The following SH3PXD2A variants were observed in gnomAD, a reference collection of about 807,000 sequenced individuals.
SH3PXD2A encodes SH3 and PX domains 2A, also known as SH3 and PX domain-containing protein 2A.
In SH3PXD2A, 32 loss-of-function variants were observed where a neutral mutation model predicts 115.2. The observed-to-expected ratio is 0.28, with a 90% CI of 0.21 to 0.37. SH3PXD2A has a LOEUF of 0.37. SH3PXD2A is among the 10% of genes least tolerant of loss of function. The pLI is 1.00. For synonymous variants in SH3PXD2A, 610 were observed against 629.1 expected, an observed-to-expected ratio of 0.97 and a Z score of 0.45; for missense variants, 1,328 against 1,498.7, an observed-to-expected ratio of 0.89 and a Z score of 1.88.
chr10:103,782,713 A>G (rs1361980177), intron 2 of SH3PXD2A, among the ~76,000 whole-genome samples: 2 of 150,340 alleles, frequency 1.3e-5, no homozygotes, highest in East Asian at 2.0e-4. Context: ...TAAGAAGACA[A>G]TGGGCTGGGC....
chr10:103,596,296 C>G lies in SH3PXD2A; in HGVS notation c.*5520G>C, dbSNP rs1230623405. 6.6e-6 allele frequency: 1 copy of G among 152,582 alleles called. No homozygotes were observed. The highest frequency in any genetic ancestry group is 1.5e-5 in the Non-Finnish European group (1 of 68,036). The allele number at this position is 152,582 out of a possible 1,614,324, so 9.5% of individuals were successfully genotyped here. ...AGGGGATGACCTAACTGAACCAACTCAGTGTTTCTATTCCCAGTGGCATCT... is the reference window on the plus strand; with the variant it reads ...AGGGGATGACCTAACTGAACCAACTGAGTGTTTCTATTCCCAGTGGCATCT... On this transcript the variant is annotated 3_prime_UTR_variant, in exon 15 of 15. Transcript: ENST00000369774.
In SH3PXD2A at chr10:103,855,476, A is replaced by G. The variant is rs11191830; in HGVS notation, c.-210T>C. The G allele has an allele frequency of 1, 164,708 of 165,406 alleles. 82,017 individuals are homozygous for G. Among genetic ancestry groups the G allele is most frequent in the East Asian group, 1 (5,810 of 5,810 alleles). The allele number at this position is 165,406 out of a possible 1,614,324, so 10.2% of individuals were successfully genotyped here. A position where few individuals can be genotyped will look rare whatever the true frequency, so the allele number is the denominator to read the frequency against. On this transcript the variant is annotated 5_prime_UTR_variant, in exon 1 of 15. Transcript: ENST00000369774. ...GCGCGGGCTCCGTGCGCCCCGGGGG[A>G]CTCCCCGCCGGCCTGCCGCGCGCCC...
chr10:103,667,766 T>C (rs1232650349), intron 7 of SH3PXD2A, among the ~76,000 whole-genome samples: 1 of 151,726 alleles, frequency 6.6e-6, no homozygotes, highest in African/African-American at 2.4e-5. Context: ...GGCTAGAGGG[T>C]CAGGGTGTGT....
At chr10:103,654,955 T>C (rs1001630916) in intron 8 of SH3PXD2A, among the ~76,000 whole-genome samples, 1 of 115,230 alleles carries the variant, frequency 8.7e-6, no homozygotes, top group African/African-American at 3.5e-5. Flanking sequence ...TGAATAAAGC[T>C]GAGTGGAAGG....
intron 2 of SH3PXD2A, among the ~76,000 whole-genome samples, chr10:103,787,432 A>G (rs2038990927): frequency 6.6e-6 from 1 of 152,242 alleles, no homozygotes; most frequent in African/African-American, 2.4e-5. Flanking sequence ...GCACTTTGCC[A>G]GACTGCCTGG....
intron 8 of SH3PXD2A, among the ~76,000 whole-genome samples, chr10:103,646,115 G>T (rs964421107): frequency 6.6e-6 from 1 of 152,052 alleles, no homozygotes; most frequent in African/African-American, 2.4e-5. Context: ...CAGTTTCATC[G>T]GTTTCTGATA....
intron 1 of SH3PXD2A, among the ~76,000 whole-genome samples, chr10:103,848,188 C>T (rs2134326967): frequency 7.9e-6 from 1 of 126,514 alleles, no homozygotes; most frequent in South Asian, 2.9e-4. Context: ...GCAGCTGACA[C>T]CTCACTTCCT....
intron 8 of SH3PXD2A, among the ~76,000 whole-genome samples, chr10:103,644,902 A>T (rs1195264602): frequency 6.6e-6 from 1 of 152,224 alleles, no homozygotes; most frequent in Admixed American, 6.5e-5. Flanking sequence ...GTGGCAGAGT[A>T]GGATTCGAAG....
At chr10:103,624,664 G>T (rs1328417560) in intron 9 of SH3PXD2A, among the ~76,000 whole-genome samples, 1 of 152,240 alleles carries the variant, frequency 6.6e-6, no homozygotes, top group Non-Finnish European at 1.5e-5. Context: ...TATTAGGAAA[G>T]CTTTGATAGG....
At chr10:103,788,858 G>T (rs2039005145) in intron 2 of SH3PXD2A, among the ~76,000 whole-genome samples, 1 of 151,852 alleles carries the variant, frequency 6.6e-6, no homozygotes, top group East Asian at 1.9e-4. Flanking sequence ...CTCCAGCCTG[G>T]GCATCAGAGC....
At chr10:103,626,455 C>T (rs1032190367) in intron 9 of SH3PXD2A, among the ~76,000 whole-genome samples, 1 of 152,110 alleles carries the variant, frequency 6.6e-6, no homozygotes, top group Non-Finnish European at 1.5e-5. Flanking sequence ...GTGGCGCAAA[C>T]GGACTGGGCT....
In SH3PXD2A at chr10:103,841,184, C is replaced by T. The variant is rs549035306; in HGVS notation, c.72+14011G>A. Among the ~76,000 whole-genome samples, 328 of 152,252 alleles carry T rather than the reference C, an allele frequency of 2.2e-3. 3 individuals carry two copies. The highest frequency in any genetic ancestry group is 3.4e-3 in the Middle Eastern group (1 of 294). On this transcript the variant is annotated intron_variant, in intron 1 of 14. Transcript: ENST00000369774. ...ATGAAGCCTTTGTCCAGGGATTTAT[C>T]ACACTGATCCAGGACGCACCATGAT...
chr10:103,836,682 T>TACACACACAC (rs55855121), intron 1 of SH3PXD2A, among the ~76,000 whole-genome samples: 34,176 of 148,574 alleles, frequency 0.23, 4,567 homozygotes, highest in East Asian at 0.56. Context: ...CACAGACATG[T>TACACACACAC]ACACACACAC....
At position 103,679,046 on chromosome 10, in the gene SH3PXD2A, C is replaced by T. The variant is rs183919525; in HGVS notation, c.428-10394G>A. ...GTGGCTCCTACCACTGAACAGATGT[C>T]CTCTGCACAGGTACTGTCCTCTTCA... On this transcript the variant is annotated intron_variant, in intron 6 of 14. Transcript: ENST00000369774. 2.4e-3 allele frequency among the ~76,000 whole-genome samples: 373 copies of T among 152,312 alleles called. 3 individuals are homozygous for T. The highest frequency in any genetic ancestry group is 4.1e-3 in the Non-Finnish European group (278 of 68,022).
chr10:103,797,790 GGA>G (rs1294860140), intron 2 of SH3PXD2A, among the ~76,000 whole-genome samples: 2 of 152,132 alleles, frequency 1.3e-5, no homozygotes, highest in African/African-American at 4.8e-5. Flanking sequence ...GGAGAGAAAT[GGA>G]AAAACCAAAG....
intron 5 of SH3PXD2A, among the ~76,000 whole-genome samples, chr10:103,723,055 A>G (rs1002991365): frequency 1.3e-5 from 2 of 152,138 alleles, no homozygotes; most frequent in African/African-American, 4.8e-5. Flanking sequence ...CTACAACCTC[A>G]TGGGCACATT....
rs2036220535 is a variant in SH3PXD2A, at chr10:103,601,949, G to C, written c.3269C>G (p.Ala1090Gly). The part of the protein sequence containing the change: ...IADYEGDEET[A>G]GFQEGVSMEV... The stretch of plus-strand genomic sequence containing the variant: ...CATGGACACCCCCTCCTGGAAGCCT[G>C]CTGTCTCCTCATCCCCCTCGTAGTC... The change falls in exon 15 of 15, where the codon GCA becomes GGA. Residue 1090 changes from alanine to glycine, a missense_variant. Physicochemically the swap from Ala to Gly is moderately conservative, Grantham distance 60. Around this residue, in one of 5 missense-constraint regions of SH3PXD2A, gnomAD observed 45 missense variants for 73.6 expected, o/e 0.61. Coordinates refer to ENST00000369774, the MANE Select transcript of SH3PXD2A (RefSeq NM_001394015.1). 3 of 1,613,932 alleles carry C rather than the reference G, an allele frequency of 1.9e-6. No individual in the cohort carries two copies. In the Admixed American group the frequency reaches 5.0e-5, roughly 27 times the overall value.
intron 2 of SH3PXD2A, among the ~76,000 whole-genome samples, chr10:103,780,567 G>A (rs941147723): frequency 6.6e-6 from 1 of 152,158 alleles, no homozygotes; most frequent in African/African-American, 2.4e-5. Context: ...ACTCAGGAGA[G>A]GGCAATGAAA....
chr10:103,678,048 A>G (rs1473125851), intron 6 of SH3PXD2A: 1 of 1,118,262 alleles, frequency 8.9e-7, no homozygotes. Flanking sequence ...CATCTGCTTT[A>G]ATGCCCTTCA....
Sources: gnomAD v4.1 joint callset for allele counts (sites outside exome capture counted in the v4.1 genomes callset) on GRCh38, gnomAD v4.1.1 for gene constraint, gnomAD v4.1.1 regional missense constraint, MANE v1.5 for transcripts, NCBI Gene and HGNC (gene_info 2026-07-23, HGNC 2026-07-21) for gene names.